Variants in LGR6 observed in about 807,000 individuals in gnomAD.
LGR6 encodes the protein leucine rich repeat containing G protein-coupled receptor 6.
LGR6 carries 45 observed loss-of-function variants against 69.4 expected under a neutral mutation model. That is an observed-to-expected ratio of 0.65 (90% CI 0.51 to 0.83). The LOEUF (loss-of-function observed/expected upper bound fraction) is 0.83. Ranked by LOEUF, LGR6 falls within the 40% of genes least tolerant of loss-of-function variation. The probability of loss-of-function intolerance (pLI) is 0.00; values close to 1 mark genes in which losing one functional copy is unlikely to be tolerated. For missense variants in LGR6, 1,108 were observed against 1,246.7 expected (o/e 0.89, Z 1.68); for synonymous variants, 538 against 555.0 (o/e 0.97, Z 0.43).
At chr1:202,217,074 T>C (rs1482965640) in intron 1 of LGR6, among the ~76,000 whole-genome samples, 2 of 152,222 alleles carry the variant, frequency 1.3e-5, no homozygotes, top group African/African-American at 4.8e-5. Flanking sequence ...CAGCCTGCGA[T>C]GGGCCTAAGT....
At chr1:202,205,876 C>T (rs201624063) in intron 1 of LGR6, among the ~76,000 whole-genome samples, 21,784 of 148,890 alleles carry the variant, frequency 0.15, 1,829 homozygotes, top group South Asian at 0.37. Context: ...AACACACACC[C>T]GTCCTTCAAA....
intron 1 of LGR6, among the ~76,000 whole-genome samples, chr1:202,207,445 A>C (rs895191406): frequency 2.0e-5 from 3 of 152,142 alleles, no homozygotes; most frequent in African/African-American, 7.2e-5. Context: ...TATGGGGTGC[A>C]TTGTGCTAGA....
At chr1:202,228,642 A>G (rs1177171027) in intron 3 of LGR6, among the ~76,000 whole-genome samples, 4 of 152,116 alleles carry the variant, frequency 2.6e-5, no homozygotes, top group African/African-American at 7.2e-5. Flanking sequence ...GCTGAGACAC[A>G]ATCTCCTCAA....
intron 1 of LGR6, 64 bp from the exon 2 acceptor site, chr1:202,225,359 T>G (rs1237005647): frequency 1.4e-6 from 2 of 1,477,980 alleles, no homozygotes; most frequent in Non-Finnish European, 1.9e-6. Context: ...GGTTGGCACC[T>G]GGACAGTGCC....
At chr1:202,256,568 T>C (rs949959012) in intron 4 of LGR6, among the ~76,000 whole-genome samples, 5 of 152,266 alleles carry the variant, frequency 3.3e-5, no homozygotes, top group African/African-American at 1.2e-4. Context: ...ATAGCTGAAT[T>C]ATATTCCTTG....
chr1:202,193,905 G>A lies in LGR6; in HGVS notation c.-85G>A. 3.3e-6 allele frequency: 3 copies of A among 918,464 alleles called. No homozygotes were observed. The highest frequency in any genetic ancestry group is 3.0e-5 in the South Asian group (1 of 33,136). The allele number at this position is 918,464 out of a possible 1,614,324, so 56.9% of individuals were successfully genotyped here. A position where few individuals can be genotyped will look rare whatever the true frequency, so the allele number is the denominator to read the frequency against. On this transcript the variant is annotated 5_prime_UTR_variant, in exon 1 of 18. Transcript: ENST00000367278. ...GCGGTCCCCACCGACGGTGCAGCCC[G>A]CCGGGACCGGGAGGAAGCAGCTGCG... is the stretch of plus-strand genomic sequence containing the variant.
chr1:202,293,981 A>T (rs1289744053), intron 6 of LGR6, among the ~76,000 whole-genome samples: 5 of 152,190 alleles, frequency 3.3e-5, no homozygotes, highest in African/African-American at 9.7e-5. Flanking sequence ...TAAGGACTCA[A>T]TGATAGCAAA....
chr1:202,214,283 C>A, intron 1 of LGR6: 1 of 1,491,874 alleles, frequency 6.7e-7, no homozygotes, highest in South Asian at 1.3e-5. Context: ...TTCCACAGGT[C>A]CTCCGCAGCC....
rs766857242 is a variant in LGR6 at position 202,318,917 on chromosome 1, G to C, written c.2614G>C (p.Ala872Pro). ...CTGTGATTCTACCCAGGCCCTGGTA[G>C]CCTTCTCTGATGTGGATCTCATTCT... ...SSCDSTQALVAFSDVDLILEA... is the reference protein window; with the variant it reads ...SSCDSTQALVPFSDVDLILEA... The change falls in exon 18 of 18, where the codon GCC becomes CCC. Residue 872 changes from alanine to proline, a missense_variant. Coordinates refer to ENST00000367278, the MANE Select transcript of LGR6 (RefSeq NM_001017403.2). 4 of 1,613,988 alleles carry C rather than the reference G, an allele frequency of 2.5e-6. No individual in the cohort carries two copies. The African/African-American group carries it at 5.3e-5, about 22-fold the overall frequency.
In LGR6 at chr1:202,319,031, C is replaced by T; in HGVS notation, c.2728C>T (p.Pro910Ser). The change falls in exon 18 of 18, where the codon CCC becomes TCC. Residue 910 changes from proline to serine, a missense_variant. By Grantham distance (74) the Pro-to-Ser change is moderately conservative. Coordinates refer to ENST00000367278, the MANE Select transcript of LGR6 (RefSeq NM_001017403.2). ...TLISCQQPGAPRLEGSHCVEP... is the reference protein window; with the variant it reads ...TLISCQQPGASRLEGSHCVEP... ...CATCTCCTGTCAGCAGCCAGGGGCC[C>T]CCAGGCTGGAGGGCAGCCATTGTGT... 1 of 1,614,136 alleles carries T rather than the reference C, an allele frequency of 6.2e-7. No homozygotes were observed. Among genetic ancestry groups the T allele is most frequent in the Non-Finnish European group, 8.5e-7 (1 of 1,179,992 alleles).
chr1:202,211,640 C>T (rs570566564), intron 1 of LGR6, among the ~76,000 whole-genome samples: 6 of 152,324 alleles, frequency 3.9e-5, no homozygotes, highest in Non-Finnish European at 7.3e-5. Context: ...GGATTACAGG[C>T]GTGAGCCACT....
chr1:202,231,544 AG>A (rs1261040484), intron 3 of LGR6, among the ~76,000 whole-genome samples: 1 of 152,238 alleles, frequency 6.6e-6, no homozygotes, highest in Non-Finnish European at 1.5e-5. Flanking sequence ...ACCAGACCCC[AG>A]AACAGATGTT....
At chr1:202,303,136 G>C (rs941851295) in intron 9 of LGR6, 143 bp from the exon 10 acceptor site, 3 of 693,416 alleles carry the variant, frequency 4.3e-6, no homozygotes, top group East Asian at 2.5e-5. Context: ...GGGCCTGCGT[G>C]GCTGACTTGA....
intron 6 of LGR6, among the ~76,000 whole-genome samples, chr1:202,293,478 T>C (rs1330437167): frequency 6.6e-6 from 1 of 152,202 alleles, no homozygotes; most frequent in Non-Finnish European, 1.5e-5. Flanking sequence ...TTCATTATCT[T>C]GTGCATTTGT....
intron 14 of LGR6, among the ~76,000 whole-genome samples, chr1:202,308,576 C>A (rs772294048): frequency 3.3e-5 from 5 of 152,206 alleles, no homozygotes; most frequent in Admixed American, 1.3e-4. Flanking sequence ...CTGCTTGTAG[C>A]CAGATGACCA....
At chr1:202,230,459 A>C (rs900572450) in intron 3 of LGR6, among the ~76,000 whole-genome samples, 5 of 152,022 alleles carry the variant, frequency 3.3e-5, no homozygotes, top group African/African-American at 7.2e-5. Flanking sequence ...CTTAACCATC[A>C]CTAGTCTCAC....
intron 4 of LGR6, among the ~76,000 whole-genome samples, chr1:202,244,506 T>G (rs1662483376): frequency 6.6e-6 from 1 of 152,134 alleles, no homozygotes; most frequent in Non-Finnish European, 1.5e-5. Context: ...CTTTGCCTCT[T>G]CCAGCTTCCG....
Position 202,195,656 on chromosome 1 carries a change from C to A in LGR6, c.212+1455C>A, listed in dbSNP as rs961907507. Among the ~76,000 whole-genome samples the A allele has an allele frequency of 1.4e-4, 22 of 152,194 alleles. 1 individual carries two copies. Among genetic ancestry groups the A allele is most frequent in the African/African-American group, 5.3e-4 (22 of 41,442 alleles). On this transcript the variant is annotated intron_variant, in intron 1 of 17. Transcript: ENST00000367278. ...CCTACACACAGGCCAGCCCCTCTTTCAGCAGTTTTCTATCCTGGGAGTATG... is the reference window on the plus strand; with the variant it reads ...CCTACACACAGGCCAGCCCCTCTTTAAGCAGTTTTCTATCCTGGGAGTATG...
intron 1 of LGR6, among the ~76,000 whole-genome samples, chr1:202,201,022 T>C (rs1320514307): frequency 1.3e-5 from 2 of 152,190 alleles, no homozygotes; most frequent in East Asian, 3.9e-4. Flanking sequence ...ATCTTTTGTC[T>C]CCTCCAGAAA....
Sources: allele counts gnomAD v4.1 joint callset (sites outside exome capture counted in the v4.1 genomes callset), GRCh38; gene constraint gnomAD v4.1.1; transcripts MANE v1.5; gene names NCBI Gene and HGNC (gene_info 2026-07-23, HGNC 2026-07-21).